The following PBX1 variants were observed in gnomAD, a reference collection of about 807,000 sequenced individuals.
PBX1 encodes the protein PBX homeobox 1, also known as pre-B-cell leukemia transcription factor 1.
A neutral mutation model predicts 53.4 loss-of-function variants in PBX1; 6 were observed. The ratio of observed to expected loss-of-function variants is 0.11; its 90% CI spans 0.06 to 0.22. The LOEUF is 0.22. Among genes scored for constraint, PBX1 ranks in the 10% least tolerant of loss-of-function variants. The pLI, the probability that PBX1 is intolerant of heterozygous loss-of-function variation, is 1.00. For missense variants in PBX1, 251 were observed against 551.4 expected, an observed-to-expected ratio of 0.46 and a Z score of 5.46; for synonymous variants, 204 against 212.3, an observed-to-expected ratio of 0.96 and a Z score of 0.34.
chr1:164,764,262 G>A (rs1666947056), intron 2 of PBX1, among the ~76,000 whole-genome samples: 1 of 152,080 alleles, frequency 6.6e-6, no homozygotes, highest in South Asian at 2.1e-4. Context: ...AGGTACTGAT[G>A]GCAAGTAGCT....
At chr1:164,797,342 G>A (rs2102313433) in intron 3 of PBX1, among the ~76,000 whole-genome samples, 1 of 152,328 alleles carries the variant, frequency 6.6e-6, no homozygotes, top group East Asian at 1.9e-4. Context: ...CAGCCCGGCG[G>A]GAGGTTGTTT....
chr1:164,820,041 T>A (rs371386474), intron 6 of PBX1, 31 bp from the exon 7 acceptor site: 6 of 1,386,078 alleles, frequency 4.3e-6, no homozygotes, highest in African/African-American at 4.3e-5. Flanking sequence ...TTCCTTTCTG[T>A]GATTCAGGTG....
chr1:164,883,766 T>C (rs1672714826), intron 2 of PBX1, among the ~76,000 whole-genome samples: 1 of 152,216 alleles, frequency 6.6e-6, no homozygotes, highest in Non-Finnish European at 1.5e-5. Context: ...GTCTTTGAGC[T>C]CTTCTCAGCT....
At chr1:164,829,781 G>T (rs1264504370) in intron 8 of PBX1, 1 of 149,886 alleles carries the variant, frequency 6.7e-6, no homozygotes, top group Admixed American at 6.6e-5. Context: ...ATAAAAGTTG[G>T]AAATTAAAAA....
chr1:164,793,867 CCTTT>C (rs1391785718), intron 3 of PBX1, among the ~76,000 whole-genome samples: 25 of 92,330 alleles, frequency 2.7e-4, no homozygotes, highest in Non-Finnish European at 4.3e-4. Context: ...TTTTTTTTTT[CCTTT>C]CTTTTTTTTT....
chr1:164,589,075 T>C (rs1029685185), intron 2 of PBX1, among the ~76,000 whole-genome samples: 3 of 152,088 alleles, frequency 2.0e-5, no homozygotes, highest in Non-Finnish European at 2.9e-5. Context: ...GACCTTTTCC[T>C]GACTCCTCAC....
At position 164,848,046 on chromosome 1, in the gene PBX1, A is replaced by G. The variant is rs1272401889; in HGVS notation, c.*1370A>G. ...CACACTATGTTCTTGGTCCTGACCT[A>G]TTGCTCTGGAGGAAAGAGTTGTATA... On this transcript the variant is annotated 3_prime_UTR_variant, in exon 9 of 9. Coordinates refer to ENST00000420696, the MANE Select transcript of PBX1 (RefSeq NM_002585.4). 7.6e-6 allele frequency: 8 copies of G among 1,049,876 alleles called. No individual in the cohort carries two copies. The highest frequency in any genetic ancestry group is 9.2e-6 in the Non-Finnish European group (8 of 869,696). 65.0% of individuals were successfully genotyped at this position (1,049,876 alleles called of 1,614,324 possible). A position where few individuals can be genotyped will look rare whatever the true frequency, so the allele number is the denominator to read the frequency against.
At chr1:164,565,750 T>C (rs1006289359) in intron 2 of PBX1, among the ~76,000 whole-genome samples, 9 of 113,620 alleles carry the variant, frequency 7.9e-5, no homozygotes, top group African/African-American at 3.0e-4. Flanking sequence ...TTGCAGGAGC[T>C]TTTTTTTTTT....
intron 2 of PBX1, among the ~76,000 whole-genome samples, chr1:164,857,987 C>G (rs1672013425): frequency 1.3e-5 from 2 of 152,108 alleles, no homozygotes; most frequent in African/African-American, 4.8e-5. Flanking sequence ...CATCTTCAAG[C>G]CTGAACTAAG....
chr1:164,770,999 C>A (rs1667339402), intron 2 of PBX1: 1 of 151,938 alleles, frequency 6.6e-6, no homozygotes. Flanking sequence ...ACACTTCACT[C>A]CCAGGCCTCC....
intron 8 of PBX1, among the ~76,000 whole-genome samples, chr1:164,832,248 G>T (rs12133458): frequency 6.6e-6 from 1 of 152,090 alleles, no homozygotes; most frequent in South Asian, 2.1e-4. Flanking sequence ...TTTGGAGACC[G>T]AATGATATGG....
chr1:164,739,618 T>A (rs971830967), intron 2 of PBX1, among the ~76,000 whole-genome samples: 1 of 152,218 alleles, frequency 6.6e-6, no homozygotes, highest in Non-Finnish European at 1.5e-5. Context: ...CTTAAATTGC[T>A]GTCTTTAAAA....
At chr1:164,704,545 C>A (rs1433802946) in intron 2 of PBX1, among the ~76,000 whole-genome samples, 1 of 152,134 alleles carries the variant, frequency 6.6e-6, no homozygotes, top group African/African-American at 2.4e-5. Context: ...ATATTAAAGA[C>A]TGAGAGTACG....
In PBX1 at chr1:164,834,914, A is replaced by T. The variant is rs185858682; in HGVS notation, c.1201-11670A>T. ...TTCAGACACTTTGTTTAAATTTTAA[A>T]TTTTTTTCTGATTGCAAATTAGTAT... On this transcript the variant is annotated intron_variant, in intron 8 of 8. Coordinates refer to ENST00000420696, the MANE Select transcript of PBX1 (RefSeq NM_002585.4). Among the ~76,000 whole-genome samples the T allele has an allele frequency of 5.6e-3, 845 of 152,218 alleles. 9 individuals are homozygous for T. The highest frequency in any genetic ancestry group is 0.019 in the African/African-American group (774 of 41,532).
chr1:164,810,657 C>A (rs1669563325), intron 5 of PBX1, among the ~76,000 whole-genome samples: 1 of 152,114 alleles, frequency 6.6e-6, no homozygotes, highest in Non-Finnish European at 1.5e-5. Context: ...TGACTGATTC[C>A]TATGAATAGT....
Position 164,848,574 on chromosome 1 carries a change from G to A in PBX1, c.*1898G>A. On this transcript the variant is annotated 3_prime_UTR_variant, in exon 9 of 9. Coordinates refer to ENST00000420696, the MANE Select transcript of PBX1 (RefSeq NM_002585.4). ...GTCATCACCGTGATGACAAAGAGAA[G>A]AGTTATTGTTGATCTTCTTGGTTTT... The A allele has an allele frequency of 9.4e-7, 1 of 1,059,482 alleles. No homozygotes were observed. The highest frequency in any genetic ancestry group is 1.1e-6 in the Non-Finnish European group (1 of 875,682). 65.6% of individuals were successfully genotyped at this position (1,059,482 alleles called of 1,614,324 possible). A position where few individuals can be genotyped will look rare whatever the true frequency, so the allele number is the denominator to read the frequency against.
chr1:164,816,570 G>A (rs774404659), intron 6 of PBX1: 3 of 152,202 alleles, frequency 2.0e-5, no homozygotes, highest in African/African-American at 7.2e-5. Context: ...GGGCAAATTT[G>A]TACTCCCAGG....
chr1:164,688,928 C>T (rs1662286279), intron 2 of PBX1, among the ~76,000 whole-genome samples: 2 of 152,216 alleles, frequency 1.3e-5, no homozygotes, highest in Non-Finnish European at 2.9e-5. Flanking sequence ...GGGAACAACC[C>T]CGTCTTGCCT....
chr1:164,678,390 TATG>T (rs1458944703), intron 2 of PBX1, among the ~76,000 whole-genome samples: 1 of 152,328 alleles, frequency 6.6e-6, no homozygotes, highest in East Asian at 1.9e-4. Flanking sequence ...CTCTATAATT[TATG>T]ATGCTTTCAG....
Sources: gnomAD v4.1 joint callset for allele counts (sites outside exome capture counted in the v4.1 genomes callset) on GRCh38, gnomAD v4.1.1 for gene constraint, MANE v1.5 for transcripts, NCBI Gene and HGNC (gene_info 2026-07-23, HGNC 2026-07-21) for gene names.